Variants in FMO5 observed in about 807,000 individuals in gnomAD.
The protein encoded by FMO5 is flavin containing dimethylaniline monoxygenase 5, also known as flavin-containing monooxygenase 5.
In FMO5, 51 loss-of-function variants were observed where a neutral mutation model predicts 43.6. That is an observed-to-expected ratio of 1.17 (90% CI 0.93 to 1.48). The LOEUF (loss-of-function observed/expected upper bound fraction) is 1.48, where lower values mean the gene tolerates loss of function less well. Among genes scored for constraint, FMO5 ranks in the 40% most tolerant of loss-of-function variants. FMO5 has a pLI of 0.00. For synonymous variants in FMO5, 187 were observed against 216.5 expected (o/e 0.86, Z 1.20); for missense variants, 644 against 643.0 (o/e 1.00, Z -0.02).
At chr1:147,197,975 AAG>A (rs1194276842) in intron 7 of FMO5, among the ~76,000 whole-genome samples, 1 of 152,214 alleles carries the variant, frequency 6.6e-6, no homozygotes, top group Non-Finnish European at 1.5e-5. Flanking sequence ...GGTGGGAAGG[AAG>A]AGAGTCTGAA....
At chr1:147,207,302 C>T (rs1410691334) in intron 6 of FMO5, among the ~76,000 whole-genome samples, 1 of 152,140 alleles carries the variant, frequency 6.6e-6, no homozygotes, top group Admixed American at 6.6e-5. Context: ...GCAAATATAG[C>T]AAACTTAACA....
At chr1:147,217,195 C>T (rs188461522) in intron 2 of FMO5, among the ~76,000 whole-genome samples, 58 of 151,614 alleles carry the variant, frequency 3.8e-4, no homozygotes, top group African/African-American at 1.3e-3. Flanking sequence ...ACAGAGATAG[C>T]GCCATTGCAC....
chr1:147,204,111 G>T (rs999178346), intron 6 of FMO5: 2 of 1,050,620 alleles, frequency 1.9e-6, no homozygotes, highest in Non-Finnish European at 3.0e-6. Flanking sequence ...GCATCCATGA[G>T]ATTTTCTTCT....
intron 5 of FMO5, chr1:147,209,809 T>C (rs1358701076): frequency 1.3e-5 from 2 of 152,192 alleles, no homozygotes; most frequent in East Asian, 1.9e-4. Flanking sequence ...AATCATGTAC[T>C]GGTAAAGTTG....
chr1:147,206,287 G>A (rs1553922320), intron 6 of FMO5, among the ~76,000 whole-genome samples: 2 of 151,986 alleles, frequency 1.3e-5, no homozygotes, highest in African/African-American at 4.8e-5. Flanking sequence ...GAGAGGATGT[G>A]GAGAAATAGG....
At chr1:147,197,499 TG>T (rs1658212668) in intron 7 of FMO5, among the ~76,000 whole-genome samples, 1 of 152,052 alleles carries the variant, frequency 6.6e-6, no homozygotes. Context: ...AGGGGCCTGG[TG>T]GGAGGTGATT....
At position 147,208,957 on chromosome 1, in the gene FMO5, T is replaced by C; in HGVS notation, c.725A>G (p.His242Arg). 1 of 1,614,166 alleles carries C rather than the reference T, an allele frequency of 6.2e-7. No individual in the cohort carries two copies. The highest frequency in any genetic ancestry group is 8.5e-7 in the Non-Finnish European group (1 of 1,179,970). The change falls in exon 6 of 9, where the codon CAT (histidine) becomes CGT (arginine). Residue 242 changes from histidine to arginine, a missense_variant. His to Arg is a conservative substitution (Grantham distance 29). Transcript: ENST00000254090. ...ADVLFSSRLT[H>R]FIWKICGQSL... The stretch of plus-strand genomic sequence containing the variant: ...TTGGCCACAGATCTTCCATATAAAA[T>C]GTGTAAGTCGAGAAGAGAACAACAC...
At chr1:147,199,088 C>A (rs1553920366) in intron 7 of FMO5, among the ~76,000 whole-genome samples, 1 of 151,926 alleles carries the variant, frequency 6.6e-6, no homozygotes, top group East Asian at 1.9e-4. Flanking sequence ...TCAGTCAAGG[C>A]AAGGAAGTAA....
chr1:147,194,453 CTT>C (rs1328800172), intron 7 of FMO5, among the ~76,000 whole-genome samples: 2 of 152,132 alleles, frequency 1.3e-5, no homozygotes, highest in African/African-American at 4.8e-5. Context: ...GGTCTTGACT[CTT>C]TATCCAATTT....
chr1:147,194,648 G>T (rs587666037), intron 7 of FMO5, among the ~76,000 whole-genome samples: 2 of 152,228 alleles, frequency 1.3e-5, no homozygotes, highest in South Asian at 4.1e-4. Flanking sequence ...GCTGGTACCG[G>T]TTGTTCCTTT....
At chr1:147,203,522 GT>G in intron 6 of FMO5, 1 of 890,878 alleles carries the variant, frequency 1.1e-6, no homozygotes, top group Admixed American at 1.7e-5. Context: ...ACTGCATAAA[GT>G]TTAGAGATTA....
At position 147,201,473 on chromosome 1, in the gene FMO5, C is replaced by T; in HGVS notation, c.862G>A (p.Asp288Asn). 1 of 1,613,946 alleles carries T rather than the reference C, an allele frequency of 6.2e-7. No individual in the cohort carries two copies. Among genetic ancestry groups the T allele is most frequent in the Middle Eastern group, 1.6e-4 (1 of 6,062 alleles). ...ALSQHPTLNDDLPNRIISGLV... is the reference protein window; with the variant it reads ...ALSQHPTLNDNLPNRIISGLV... ...CCAGAAATGATACGATTTGGCAGGT[C>T]ATCATTTAAGGTTGGATGCTGACTC... The change falls in exon 7 of 9, where the codon GAC (aspartate) becomes AAC (asparagine). Residue 288 changes from aspartate to asparagine, a missense_variant. Transcript: ENST00000254090.
intron 5 of FMO5, chr1:147,209,893 C>A (rs1553923422): frequency 2.6e-5 from 4 of 152,178 alleles, no homozygotes. Flanking sequence ...ATTACAAAAA[C>A]CCCTGCTATT....
chr1:147,203,634 C>G, intron 6 of FMO5: 1 of 1,292,184 alleles, frequency 7.7e-7, no homozygotes, highest in Non-Finnish European at 1.1e-6. Context: ...GCGTACTGTT[C>G]AAGTCCAGGA....
At chr1:147,218,483 G>A (rs756328941) in intron 2 of FMO5, among the ~76,000 whole-genome samples, 29 of 151,876 alleles carry the variant, frequency 1.9e-4, no homozygotes, top group Non-Finnish European at 3.2e-4. Flanking sequence ...TGATCCGCCC[G>A]CCTCAGCCTC....
In FMO5 at chr1:147,187,084, T is replaced by C. The variant is rs782720469; in HGVS notation, c.1418A>G (p.Tyr473Cys). 8.7e-6 allele frequency: 14 copies of C among 1,613,910 alleles called. No individual in the cohort carries two copies. The highest frequency in any genetic ancestry group is 5.0e-5 in the Admixed American group (3 of 59,988). The stretch of plus-strand genomic sequence containing the variant: ...CCACTTTCCAGGGCCCTGTACACGA[T>C]AGTGGATTGGAGTGCAGGGTCCCAG... ...LLLGPCTPIH[Y>C]RVQGPGKWDG... Residue 473 changes from tyrosine (Y) to cysteine (C), a missense_variant, in exon 9 of 9, where the codon TAT becomes TGT. Physicochemically the swap from Tyr to Cys is radical, Grantham distance 194. Transcript: ENST00000254090.
intron 2 of FMO5, among the ~76,000 whole-genome samples, chr1:147,219,855 T>TG (rs2102047141): frequency 6.6e-6 from 1 of 150,954 alleles, no homozygotes; most frequent in East Asian, 1.9e-4. Flanking sequence ...TTTTTTTTTT[T>TG]TGAGACAGAG....
chr1:147,209,274 T>TA (rs1175411397), intron 5 of FMO5, among the ~76,000 whole-genome samples: 1 of 151,884 alleles, frequency 6.6e-6, no homozygotes, highest in South Asian at 2.1e-4. Flanking sequence ...CCGTCTCTAC[T>TA]AAAAATACAA....
downstream of FMO5, among the ~76,000 whole-genome samples, chr1:147,185,063 G>T (rs962634590): frequency 1.3e-5 from 2 of 152,036 alleles, no homozygotes; most frequent in African/African-American, 4.8e-5. Context: ...GTAAATTGAT[G>T]AATATTATTA....
Sources: gnomAD v4.1 joint callset for allele counts (sites outside exome capture counted in the v4.1 genomes callset) on GRCh38, gnomAD v4.1.1 for gene constraint, MANE v1.5 for transcripts, NCBI Gene and HGNC (gene_info 2026-07-23, HGNC 2026-07-21) for gene names.